ADK: variants seen among roughly 807,000 people sequenced by gnomAD.
The protein encoded by ADK is adenosine kinase, also known as N6,N6-dimethyladenosine kinase.
ADK carries 24 observed loss-of-function variants against 44.7 expected under a neutral mutation model. The observed-to-expected ratio is 0.54, with a 90% CI of 0.39 to 0.76. ADK has a LOEUF of 0.76. Ranked by LOEUF, ADK falls within the 30% of genes least tolerant of loss-of-function variation. The pLI is 0.00. For missense variants in ADK, 321 were observed against 425.1 expected, an observed-to-expected ratio of 0.76 and a Z score of 2.15; for synonymous variants, 128 against 142.6, an observed-to-expected ratio of 0.90 and a Z score of 0.73.
At chr10:74,664,366 A>G (rs2134178223) in intron 9 of ADK, among the ~76,000 whole-genome samples, 1 of 152,306 alleles carries the variant, frequency 6.6e-6, no homozygotes, top group South Asian at 2.1e-4. Context: ...AAATTCTAGA[A>G]GGATATATAA....
chr10:74,702,142 A>G (rs868623755), intron 10 of ADK, among the ~76,000 whole-genome samples: 22 of 152,072 alleles, frequency 1.4e-4, no homozygotes, highest in Non-Finnish European at 2.9e-4. Flanking sequence ...TGGATACTCA[A>G]TCTGGGAGGG....
intron 3 of ADK, among the ~76,000 whole-genome samples, chr10:74,225,774 A>G (rs1473796210): frequency 6.6e-6 from 1 of 152,142 alleles, no homozygotes; most frequent in Non-Finnish European, 1.5e-5. Flanking sequence ...TCAAATATAT[A>G]TATTGTCAAG....
intron 6 of ADK, among the ~76,000 whole-genome samples, chr10:74,502,804 A>G (rs1847927049): frequency 6.6e-6 from 1 of 152,144 alleles, no homozygotes; most frequent in African/African-American, 2.4e-5. Context: ...TGGGTGTTAT[A>G]CTCAAATGTA....
chr10:74,706,045 C>T (rs7097320), intron 10 of ADK, among the ~76,000 whole-genome samples: 123,601 of 152,158 alleles, frequency 0.81, 50,540 homozygotes, highest in African/African-American at 0.9. Flanking sequence ...ATAAAAGTTG[C>T]ATTCTTAGCC....
chr10:74,159,751 C>T (rs1246772597), intron 1 of ADK, among the ~76,000 whole-genome samples: 1 of 152,146 alleles, frequency 6.6e-6, no homozygotes, highest in Non-Finnish European at 1.5e-5. Flanking sequence ...CACCACCATG[C>T]CCAGCTACTT....
At chr10:74,279,143 G>C (rs1210069843) in intron 3 of ADK, among the ~76,000 whole-genome samples, 1 of 152,082 alleles carries the variant, frequency 6.6e-6, no homozygotes, top group Non-Finnish European at 1.5e-5. Flanking sequence ...GCCGGGCGTA[G>C]TGGTGGGCGC....
chr10:74,567,300 C>T (rs1333106362), intron 7 of ADK, among the ~76,000 whole-genome samples: 5 of 152,152 alleles, frequency 3.3e-5, no homozygotes, highest in Non-Finnish European at 7.4e-5. Flanking sequence ...AGAATTTTCA[C>T]TTATTGTCTT....
intron 4 of ADK, among the ~76,000 whole-genome samples, chr10:74,342,813 G>A (rs920893146): frequency 2.1e-4 from 32 of 151,904 alleles, no homozygotes; most frequent in Middle Eastern, 6.8e-3. Context: ...GTGTGTGTGT[G>A]TGTTTTAATA....
chr10:74,674,307 A>G (rs1855302288), intron 10 of ADK, among the ~76,000 whole-genome samples: 2 of 152,106 alleles, frequency 1.3e-5, no homozygotes, highest in South Asian at 2.1e-4. Flanking sequence ...CTCCCTCTCC[A>G]CACCAGCAGG....
chr10:74,581,988 T>C (rs1851388008), intron 7 of ADK, among the ~76,000 whole-genome samples: 1 of 152,190 alleles, frequency 6.6e-6, no homozygotes, highest in African/African-American at 2.4e-5. Flanking sequence ...AACCTTCAAA[T>C]TTTCATCTGT....
chr10:74,626,244 A>T (rs1424820244), intron 9 of ADK, among the ~76,000 whole-genome samples: 3 of 152,136 alleles, frequency 2.0e-5, no homozygotes, highest in African/African-American at 7.2e-5. Context: ...CCAGAAATCA[A>T]TGGTAGAATC....
At chr10:74,329,725 T>C (rs1454880707) in intron 4 of ADK, among the ~76,000 whole-genome samples, 2 of 152,120 alleles carry the variant, frequency 1.3e-5, no homozygotes, top group East Asian at 1.9e-4. Flanking sequence ...TTTTAGAAAT[T>C]AGAGCTCTGT....
intron 2 of ADK, among the ~76,000 whole-genome samples, chr10:74,207,925 G>T (rs1008407373): frequency 6.6e-6 from 1 of 152,130 alleles, no homozygotes; most frequent in Non-Finnish European, 1.5e-5. Flanking sequence ...GAGGGTACTT[G>T]CTGGCCCCAT....
chr10:74,186,980 T>G (rs1842788887), intron 1 of ADK, among the ~76,000 whole-genome samples: 1 of 152,204 alleles, frequency 6.6e-6, no homozygotes, highest in African/African-American at 2.4e-5. Context: ...TGCTGTGTAC[T>G]AGGGTAGATT....
chr10:74,405,843 C>T (rs908264148), intron 6 of ADK, among the ~76,000 whole-genome samples: 1 of 152,102 alleles, frequency 6.6e-6, no homozygotes, highest in Non-Finnish European at 1.5e-5. Context: ...TGTGTATGTG[C>T]CTCAGGTACT....
chr10:74,346,958 A>C (rs1841786698), intron 4 of ADK, among the ~76,000 whole-genome samples: 1 of 151,716 alleles, frequency 6.6e-6, no homozygotes, highest in Non-Finnish European at 1.5e-5. Flanking sequence ...AAAATACAAA[A>C]AATTAGCCGG....
intron 6 of ADK, among the ~76,000 whole-genome samples, chr10:74,480,686 A>G (rs1459687238): frequency 6.6e-6 from 1 of 152,168 alleles, no homozygotes; most frequent in East Asian, 1.9e-4. Context: ...TAATAATTTT[A>G]CCAGGATGTG....
intron 2 of ADK, among the ~76,000 whole-genome samples, chr10:74,211,471 G>A (rs909503825): frequency 7.9e-5 from 12 of 151,916 alleles, no homozygotes; most frequent in Admixed American, 3.3e-4. Flanking sequence ...TTTAAAAAAC[G>A]TATACATCTT....
At chr10:74,350,615 G>A (rs868785348) in intron 4 of ADK, among the ~76,000 whole-genome samples, 1 of 152,056 alleles carries the variant, frequency 6.6e-6, no homozygotes, top group African/African-American at 2.4e-5. Flanking sequence ...AAAAAAATCA[G>A]TGAATCCAGG....
Sources: allele counts gnomAD v4.1 joint callset (sites outside exome capture counted in the v4.1 genomes callset), GRCh38; gene constraint gnomAD v4.1.1; transcripts MANE v1.5; gene names NCBI Gene and HGNC (gene_info 2026-07-23, HGNC 2026-07-21).